GRIK4: variants seen among roughly 807,000 people sequenced by gnomAD.
GRIK4 encodes glutamate ionotropic receptor kainate type subunit 4.
GRIK4 carries 40 observed loss-of-function variants against 104.9 expected under a neutral mutation model. The observed-to-expected ratio is 0.38, with a 90% CI of 0.30 to 0.50. The LOEUF is 0.50. Ranked by LOEUF, GRIK4 falls within the 20% of genes least tolerant of loss-of-function variation. GRIK4 has a pLI of 0.93. For synonymous variants in GRIK4, 485 were observed against 524.9 expected (o/e 0.92, Z 1.04); for missense variants, 1,047 against 1,308.1 (o/e 0.80, Z 3.08).
rs141393551 is a variant in GRIK4 at position 120,719,079 on chromosome 11, G to A, written c.82+58679G>A. 9.6e-3 allele frequency among the ~76,000 whole-genome samples: 1,466 copies of A among 152,094 alleles called. 23 individuals carry two copies. The highest frequency in any genetic ancestry group is 0.034 in the African/African-American group (1,416 of 41,470). Reference sequence around the variant, plus strand: ...CTTTATTTTGGTAAGTTGCATAATTGAGTTTTTTTTAAAGTGTATAATGAA... The same window carrying A: ...CTTTATTTTGGTAAGTTGCATAATTAAGTTTTTTTTAAAGTGTATAATGAA... On this transcript the variant is annotated intron_variant, in intron 3 of 20. Transcript: ENST00000527524.
chr11:120,765,838 G>A (rs556198305), intron 3 of GRIK4, among the ~76,000 whole-genome samples: 8 of 152,320 alleles, frequency 5.3e-5, no homozygotes, highest in African/African-American at 1.9e-4. Flanking sequence ...CATCATAGAG[G>A]GGCACCTGCC....
chr11:120,847,326 C>T (rs1953874656), intron 8 of GRIK4, among the ~76,000 whole-genome samples: 1 of 152,158 alleles, frequency 6.6e-6, no homozygotes, highest in South Asian at 2.1e-4. Flanking sequence ...GAATAAAATT[C>T]TGATTTTCCA....
chr11:120,939,113 G>A lies in GRIK4; in HGVS notation c.1477-1234G>A, dbSNP rs963310762. ...TTAGAGTAGAGGATGCATTAGAACT[G>A]AGCACCAGTTCTGGGCTTTTCCCAC... is the stretch of plus-strand genomic sequence containing the variant. On this transcript the variant is annotated intron_variant, in intron 13 of 20. Coordinates refer to ENST00000527524, the MANE Select transcript of GRIK4 (RefSeq NM_014619.5). The surrounding 1 kb of genome is among the most constrained non-coding windows in gnomAD (Gnocchi z 5.6). 2.3e-5 allele frequency among the ~76,000 whole-genome samples: 2 copies of A among 88,020 alleles called. No individual in the cohort carries two copies. The highest frequency in any genetic ancestry group is 6.0e-5 in the African/African-American group (2 of 33,180). The allele number at this position is 88,020 out of a possible 152,430, so 57.7% of individuals were successfully genotyped here.
chr11:120,665,968 G>A (rs1949907209), intron 3 of GRIK4, among the ~76,000 whole-genome samples: 1 of 152,122 alleles, frequency 6.6e-6, no homozygotes, highest in Non-Finnish European at 1.5e-5. Context: ...AAAACCCATT[G>A]TGCACTGTAA....
rs545639519 is a variant in GRIK4 at position 120,731,709 on chromosome 11, G to T, written c.83-70984G>T. 2.6e-5 allele frequency among the ~76,000 whole-genome samples: 4 copies of T among 152,164 alleles called. No individual in the cohort carries two copies. The East Asian group carries it at 7.7e-4, about 29-fold the overall frequency. On this transcript the variant is annotated intron_variant, in intron 3 of 20. Transcript: ENST00000527524. Reference sequence around the variant, plus strand: ...CAGGTCCCAGGATTTTCTTTACTGGGAGACTTGATTATGGTTTCGATCTCA... The same window carrying T: ...CAGGTCCCAGGATTTTCTTTACTGGTAGACTTGATTATGGTTTCGATCTCA...
At chr11:120,791,326 A>T (rs951535309) in intron 3 of GRIK4, among the ~76,000 whole-genome samples, 3 of 152,216 alleles carry the variant, frequency 2.0e-5, no homozygotes, top group Non-Finnish European at 4.4e-5. Flanking sequence ...ATATATCATT[A>T]TGGTTTTAAT....
rs1268588000 is a variant in GRIK4 at position 120,903,795 on chromosome 11, C to T, written c.1273-1495C>T. On this transcript the variant is annotated intron_variant, in intron 12 of 20. Transcript: ENST00000527524. The surrounding 1 kb of genome is among the most constrained non-coding windows in gnomAD (Gnocchi z 4.4). ...GCTCCTAACCTGTCAAAATGCTGAA[C>T]AGCCCTCACTCCTGTGGCACTCGCT... Among the ~76,000 whole-genome samples, 1 of 152,154 alleles carries T rather than the reference C, an allele frequency of 6.6e-6. No individual in the cohort carries two copies.
At chr11:120,660,437 A>G (rs758306234) in intron 3 of GRIK4, 37 bp downstream of exon 3, 3 of 1,485,588 alleles carry the variant, frequency 2.0e-6, no homozygotes, top group South Asian at 1.1e-5. Flanking sequence ...GCCCCCACCC[A>G]CTATCCCAGG....
chr11:120,644,657 A>T (rs767296671), intron 1 of GRIK4, among the ~76,000 whole-genome samples: 4 of 152,178 alleles, frequency 2.6e-5, no homozygotes, highest in Non-Finnish European at 4.4e-5. Context: ...CCAGGAGGAA[A>T]GTCCAAGGCT....
chr11:120,680,009 C>T (rs80102851), intron 3 of GRIK4, among the ~76,000 whole-genome samples: 1,991 of 152,318 alleles, frequency 0.013, 43 homozygotes, highest in African/African-American at 0.043. Flanking sequence ...CTTGCCTGCC[C>T]AGCAGAATTT....
At chr11:120,815,283 G>C (rs915324348) in intron 4 of GRIK4, 95 bp from the exon 5 acceptor site, 1 of 709,772 alleles carries the variant, frequency 1.4e-6, no homozygotes, top group Non-Finnish European at 2.5e-6. Flanking sequence ...CAGAAGGTGA[G>C]GGGGCAGCGG....
intron 4 of GRIK4, among the ~76,000 whole-genome samples, chr11:120,812,624 C>T (rs765113495): frequency 6.6e-6 from 1 of 152,078 alleles, no homozygotes; most frequent in Non-Finnish European, 1.5e-5. Flanking sequence ...GAAAACAGGC[C>T]CAGAGGTTTG....
At chr11:120,538,178 C>A (rs762784851) in intron 1 of GRIK4, among the ~76,000 whole-genome samples, 5 of 152,244 alleles carry the variant, frequency 3.3e-5, no homozygotes, top group Non-Finnish European at 7.3e-5. Context: ...TCCCATCCCT[C>A]CCGCTGTGTG....
intron 19 of GRIK4, among the ~76,000 whole-genome samples, chr11:120,973,407 C>A: frequency 6.6e-6 from 1 of 152,154 alleles, no homozygotes; most frequent in Non-Finnish European, 1.5e-5. Context: ...GAGAACTGAA[C>A]AGATGAAAGG....
intron 9 of GRIK4, among the ~76,000 whole-genome samples, chr11:120,863,196 G>A (rs931883599): frequency 1.3e-5 from 2 of 152,206 alleles, no homozygotes; most frequent in African/African-American, 4.8e-5. Context: ...TTTGGTCAGC[G>A]ATGGACAACT....
chr11:120,648,807 GAAACAAACAAAC>G (rs112945166), intron 1 of GRIK4, among the ~76,000 whole-genome samples: 187 of 151,244 alleles, frequency 1.2e-3, no homozygotes, highest in African/African-American at 4.0e-3. Context: ...CTTTTTAAGT[GAAACAAACAAAC>G]AAACAAACAA....
At chr11:120,884,053 A>G (rs1955049640) in intron 11 of GRIK4, among the ~76,000 whole-genome samples, 1 of 152,206 alleles carries the variant, frequency 6.6e-6, no homozygotes, top group African/African-American at 2.4e-5. Flanking sequence ...AGGGAGCCAC[A>G]TGCAGCAGCA....
At chr11:120,883,780 A>G (rs1346706665) in intron 11 of GRIK4, among the ~76,000 whole-genome samples, 2 of 152,248 alleles carry the variant, frequency 1.3e-5, no homozygotes, top group South Asian at 2.1e-4. Flanking sequence ...TGCATTTTAA[A>G]TGTATTTCTT....
intron 3 of GRIK4, among the ~76,000 whole-genome samples, chr11:120,712,333 A>G (rs1950749052): frequency 6.6e-6 from 1 of 152,162 alleles, no homozygotes; most frequent in Non-Finnish European, 1.5e-5. Context: ...GATTTAAGAG[A>G]GGAAAAGAAA....
Sources: allele counts gnomAD v4.1 joint callset (sites outside exome capture counted in the v4.1 genomes callset), GRCh38; gene constraint gnomAD v4.1.1; non-coding constraint Gnocchi (gnomAD v3.1); transcripts MANE v1.5; gene names NCBI Gene and HGNC (gene_info 2026-07-23, HGNC 2026-07-21).